The following UBE3C variants were observed in gnomAD, a reference collection of about 807,000 sequenced individuals.
UBE3C encodes the protein ubiquitin-protein ligase E3C.
In UBE3C, 42 loss-of-function variants were observed where a neutral mutation model predicts 129.4. The observed-to-expected ratio is 0.32, with a 90% CI of 0.25 to 0.42. The LOEUF is 0.42. UBE3C is among the 10% of genes least tolerant of loss of function. UBE3C has a pLI of 1.00. For synonymous variants in UBE3C, 510 were observed against 492.4 expected (o/e 1.04, Z -0.47); for missense variants, 1,049 against 1,319.1 (o/e 0.80, Z 3.17).
rs919940070 is a variant in UBE3C, at chr7:157,269,301, A to G, written c.*1546A>G. The G allele has an allele frequency of 2.6e-5, 4 of 152,344 alleles. No individual in the cohort carries two copies. Among genetic ancestry groups the G allele is most frequent in the Non-Finnish European group, 5.9e-5 (4 of 68,038 alleles). 9.4% of individuals were successfully genotyped at this position (152,344 alleles called of 1,614,324 possible). A position where few individuals can be genotyped will look rare whatever the true frequency, so the allele number is the denominator to read the frequency against. ...CTTATTTGTGGTTTTTTTCTCAGCTATTCTGAGCTTATTTATTTATTTGTA... is the reference window on the plus strand; with the variant it reads ...CTTATTTGTGGTTTTTTTCTCAGCTGTTCTGAGCTTATTTATTTATTTGTA... On this transcript the variant is annotated 3_prime_UTR_variant, in exon 23 of 23. Transcript: ENST00000348165.
rs112977304 is a variant in UBE3C, at chr7:157,238,250, A to C, written c.2481+6923A>C. On this transcript the variant is annotated intron_variant, in intron 18 of 22. Coordinates refer to ENST00000348165, the MANE Select transcript of UBE3C (RefSeq NM_014671.3). Reference sequence around the variant, plus strand: ...GTGGTGGAGGTCACGCTCTGGAGTAAGACAGGCCAGTGGGGACTCCTGGCG... The same window carrying C: ...GTGGTGGAGGTCACGCTCTGGAGTACGACAGGCCAGTGGGGACTCCTGGCG... Among the ~76,000 whole-genome samples the C allele has an allele frequency of 2.9e-3, 445 of 152,264 alleles. 1 individual carries two copies. Among genetic ancestry groups the C allele is most frequent in the Admixed American group, 5.7e-3 (87 of 15,290 alleles).
chr7:157,171,445 T>TA (rs1014439151), intron 4 of UBE3C, among the ~76,000 whole-genome samples: 101 of 151,618 alleles, frequency 6.7e-4, no homozygotes, highest in Non-Finnish European at 1.1e-3. Context: ...CTCATGTTTT[T>TA]AAAAAAAATC....
At chr7:157,200,713 C>T (rs980737327) in intron 10 of UBE3C, among the ~76,000 whole-genome samples, 1 of 152,112 alleles carries the variant, frequency 6.6e-6, no homozygotes, top group Non-Finnish European at 1.5e-5. Flanking sequence ...TGGCTCACTG[C>T]AGCCTTGAAC....
chr7:157,170,201 A>T, intron 3 of UBE3C, 103 bp from the exon 4 acceptor site: 1 of 1,107,182 alleles, frequency 9.0e-7, no homozygotes, highest in Non-Finnish European at 1.2e-6. Flanking sequence ...TTTCGTTGTC[A>T]ATTTCCACCA....
chr7:157,176,475 A>G (rs1242463568), intron 5 of UBE3C, among the ~76,000 whole-genome samples: 3 of 152,126 alleles, frequency 2.0e-5, no homozygotes, highest in Non-Finnish European at 4.4e-5. Context: ...GGGTTTTGCC[A>G]TGTTGGCCAG....
chr7:157,167,229 C>T (rs1330085925), intron 2 of UBE3C, among the ~76,000 whole-genome samples: 1 of 152,152 alleles, frequency 6.6e-6, no homozygotes, highest in Non-Finnish European at 1.5e-5. Flanking sequence ...CCATGCCCGA[C>T]CTCACAGGAT....
At chr7:157,231,413 C>A in intron 18 of UBE3C, 86 bp downstream of exon 18, 1 of 1,539,046 alleles carries the variant, frequency 6.5e-7, no homozygotes, top group Non-Finnish European at 8.7e-7. Flanking sequence ...CCAGGTTTAC[C>A]ATAAAATACT....
In UBE3C at chr7:157,248,528, A is replaced by G. The variant is rs1168777956; in HGVS notation, c.2642A>G (p.Glu881Gly). 6.2e-7 allele frequency: 1 copy of G among 1,612,860 alleles called. No individual in the cohort carries two copies. The highest frequency in any genetic ancestry group is 8.5e-7 in the Non-Finnish European group (1 of 1,180,028). ...LFLKSYEDDV[E>G]ELGLNFTVVN... ...CTGAAGAGCTACGAAGACGATGTGG[A>G]GGAGCTTGGGCTGAACTTCACTGTG... is the stretch of plus-strand genomic sequence containing the variant. The change falls in exon 19 of 23, where the codon GAG becomes GGG. Residue 881 changes from glutamate (E) to glycine (G), a missense_variant. By Grantham distance (98) the Glu-to-Gly change is moderately conservative. Around this residue, in one of 4 missense-constraint regions of UBE3C, gnomAD observed 243 missense variants for 368.7 expected, o/e 0.66. Transcript: ENST00000348165.
chr7:157,215,039 G>A (rs1809696133), intron 13 of UBE3C, among the ~76,000 whole-genome samples: 1 of 152,182 alleles, frequency 6.6e-6, no homozygotes, highest in Admixed American at 6.5e-5. Flanking sequence ...GTTGAAGAAG[G>A]ACGGTATTTC....
At chr7:157,201,088 CTG>C in intron 10 of UBE3C, among the ~76,000 whole-genome samples, 1 of 152,152 alleles carries the variant, frequency 6.6e-6, no homozygotes, top group African/African-American at 2.4e-5. Flanking sequence ...CTTTGGGATG[CTG>C]AGGCGGGTGG....
intron 5 of UBE3C, among the ~76,000 whole-genome samples, chr7:157,175,941 A>G (rs1364896747): frequency 6.6e-6 from 1 of 152,144 alleles, no homozygotes; most frequent in East Asian, 1.9e-4. Context: ...TCTATTATGT[A>G]TTTTTCTTGC....
At position 157,221,041 on chromosome 7, in the gene UBE3C, G is replaced by A. The variant is rs548105275; in HGVS notation, c.2002+265G>A. On this transcript the variant is annotated intron_variant, in intron 15 of 22. Transcript: ENST00000348165. ...CAAAGGGAACCATGCTGTGTAGTCT[G>A]CTCCTGGCTCCTTTTGGTCAGCACG... The A allele has an allele frequency of 1.7e-4, 59 of 342,524 alleles. No homozygotes were observed. In the Middle Eastern group the frequency reaches 2.8e-3, roughly 16 times the overall value. 21.2% of individuals were successfully genotyped at this position (342,524 alleles called of 1,614,324 possible).
chr7:157,241,755 G>A (rs1796332467), intron 18 of UBE3C, among the ~76,000 whole-genome samples: 1 of 152,192 alleles, frequency 6.6e-6, no homozygotes, highest in Non-Finnish European at 1.5e-5. Context: ...AGATGGAAAT[G>A]ACTCAAAGGC....
chr7:157,147,173 T>C (rs1489258695), intron 1 of UBE3C, among the ~76,000 whole-genome samples: 2 of 152,236 alleles, frequency 1.3e-5, no homozygotes, highest in African/African-American at 4.8e-5. Flanking sequence ...GAATATGGAA[T>C]ATCTCTTAAT....
At chr7:157,214,073 T>C (rs1460325400) in intron 13 of UBE3C, among the ~76,000 whole-genome samples, 1 of 152,142 alleles carries the variant, frequency 6.6e-6, no homozygotes, top group Non-Finnish European at 1.5e-5. Flanking sequence ...GGACTCACTT[T>C]TTTACCTTCT....
intron 1 of UBE3C, among the ~76,000 whole-genome samples, chr7:157,143,715 A>G (rs941374845): frequency 5.3e-5 from 8 of 152,130 alleles, no homozygotes; most frequent in African/African-American, 1.9e-4. Context: ...AGATTCTTCA[A>G]GAAGCGGGGA....
intron 9 of UBE3C, among the ~76,000 whole-genome samples, chr7:157,184,788 A>G (rs1808763033): frequency 6.6e-6 from 1 of 152,234 alleles, no homozygotes; most frequent in South Asian, 2.1e-4. Context: ...CTTCACTAGT[A>G]TCGAATGAAA....
Position 157,184,144 on chromosome 7 carries a change from T to C in UBE3C, c.1143+115T>C. On this transcript the variant is annotated intron_variant, in intron 9 of 22. Coordinates refer to ENST00000348165, the MANE Select transcript of UBE3C (RefSeq NM_014671.3). ...ACAAGTCAGACCCTCAAGCAGCCTT[T>C]GCAGAGAAGCCCCGTCAGCCCCACT... The C allele has an allele frequency of 2.2e-6, 3 of 1,379,750 alleles. No homozygotes were observed. The East Asian group carries it at 7.1e-5, about 32-fold the overall frequency. 85.5% of individuals were successfully genotyped at this position (1,379,750 alleles called of 1,614,324 possible).
At chr7:157,199,494 T>A (rs1809219840) in intron 10 of UBE3C, among the ~76,000 whole-genome samples, 1 of 152,008 alleles carries the variant, frequency 6.6e-6, no homozygotes, top group African/African-American at 2.4e-5. Context: ...TTTTTGAGTC[T>A]GAGTCTTGTT....
Sources: allele counts gnomAD v4.1 joint callset (sites outside exome capture counted in the v4.1 genomes callset), GRCh38; gene constraint gnomAD v4.1.1; regional missense constraint gnomAD v4.1.1; transcripts MANE v1.5; gene names NCBI Gene and HGNC (gene_info 2026-07-23, HGNC 2026-07-21).